SELENOH: variants seen among roughly 807,000 people sequenced by gnomAD.
SELENOH encodes selenoprotein H.
Under a neutral mutation model 11.9 loss-of-function variants are expected in SELENOH, and 13 were observed. The observed-to-expected ratio is 1.09, with a 90% confidence interval of 0.71 to 1.74. SELENOH has a LOEUF of 1.74. SELENOH is among the 40% of genes most tolerant of loss of function. SELENOH has a pLI of 0.00. For missense variants in SELENOH, 223 were observed against 170.3 expected (o/e 1.31, Z -1.72); for synonymous variants, 96 against 73.5 (o/e 1.31, Z -1.56).
Position 57,742,551 on chromosome 11 carries a change from T to C in SELENOH, c.*30+304T>C, listed in dbSNP as rs571440926. The C allele has an allele frequency of 9.0e-6, 3 of 334,538 alleles. No homozygotes were observed. The East Asian group carries it at 2.1e-4, about 23-fold the overall frequency. The allele number at this position is 334,538 out of a possible 1,614,324, so 20.7% of individuals were successfully genotyped here. A position where few individuals can be genotyped will look rare whatever the true frequency, so the allele number is the denominator to read the frequency against. The stretch of plus-strand genomic sequence containing the variant: ...TTCCATTTGGAAGTTTATTTCATGT[T>C]ACTTCATTTATGCTTATCCCTACCC... On this transcript the variant is annotated intron_variant, in intron 3 of 3. Coordinates refer to ENST00000534355, the MANE Select transcript of SELENOH (RefSeq NM_170746.4).
rs1439894026 is a variant in SELENOH at position 57,741,611 on chromosome 11, AG to A, written c.18del (p.Lys7SerfsTer11). 7.9e-7 allele frequency: 1 copy of A among 1,273,840 alleles called. No individual in the cohort carries two copies. The highest frequency in any genetic ancestry group is 3.0e-5 in the East Asian group (1 of 33,330). 78.9% of individuals were successfully genotyped at this position (1,273,840 alleles called of 1,614,324 possible). On this transcript the variant is annotated frameshift_variant, in exon 1 of 4. Coordinates refer to ENST00000534355, the MANE Select transcript of SELENOH (RefSeq NM_170746.4). LOFTEE classifies it high-confidence loss of function. MAPRG[R>X]KRKAEAAVVA... ...TCTAGGCGCCATGGCTCCCCGCGGG[AG>A]GAAGCGTAAGGCTGAGGCCGCGGTG...
At chr11:57,742,014 A>T in intron 2 of SELENOH, 60 bp downstream of exon 2, 1 of 1,581,116 alleles carries the variant, frequency 6.3e-7, no homozygotes, top group South Asian at 1.2e-5. Flanking sequence ...TGGGTTCCGA[A>T]GACAGGAAGC....
chr11:57,742,198 TGAA>T lies in SELENOH; in HGVS notation c.355_357del (p.Lys119del), dbSNP rs767623062. On this transcript the variant is annotated inframe_deletion, in exon 3 of 4. Coordinates refer to ENST00000534355, the MANE Select transcript of SELENOH (RefSeq NM_170746.4). ...GAGCCTCAAGAGGTGGTGGAAGAGT[TGAA>T]GAAGTACCTGTCGTAGGGAGATTTG... is the stretch of plus-strand genomic sequence containing the variant. 3.1e-6 allele frequency: 5 copies of T among 1,610,448 alleles called. No homozygotes were observed. Among genetic ancestry groups the T allele is most frequent in the African/African-American group, 1.3e-5 (1 of 74,958 alleles).
In SELENOH at chr11:57,743,473, T is replaced by G. The variant is rs1435162399; in HGVS notation, c.*641T>G. The G allele has an allele frequency of 6.6e-6, 1 of 152,264 alleles. No homozygotes were observed. The highest frequency in any genetic ancestry group is 1.5e-5 in the Non-Finnish European group (1 of 68,066). 9.4% of individuals were successfully genotyped at this position (152,264 alleles called of 1,614,324 possible). A position where few individuals can be genotyped will look rare whatever the true frequency, so the allele number is the denominator to read the frequency against. On this transcript the variant is annotated 3_prime_UTR_variant, in exon 4 of 4. Coordinates refer to ENST00000534355, the MANE Select transcript of SELENOH (RefSeq NM_170746.4). The stretch of plus-strand genomic sequence containing the variant: ...CACCGCACCTGGCCTGACCTGCAAC[T>G]TTTATGATCTCTGGTAAAACATGAG...
chr11:57,743,527 GTAAA>G lies in SELENOH; in HGVS notation c.*699_*702del, dbSNP rs1949134523. 1 of 152,066 alleles carries G rather than the reference GTAAA, an allele frequency of 6.6e-6. No homozygotes were observed. The highest frequency in any genetic ancestry group is 2.4e-5 in the African/African-American group (1 of 41,426). 9.4% of individuals were successfully genotyped at this position (152,066 alleles called of 1,614,324 possible). A position where few individuals can be genotyped will look rare whatever the true frequency, so the allele number is the denominator to read the frequency against. On this transcript the variant is annotated 3_prime_UTR_variant, in exon 4 of 4. Transcript: ENST00000534355. Reference sequence around the variant, plus strand: ...TACTTGTAAAAATTATGGGAGCAAAGTAAATAATTTATTTTTTAAAAAAGCAACT... The same window carrying G: ...TACTTGTAAAAATTATGGGAGCAAAGTAATTTATTTTTTAAAAAAGCAACT...
chr11:57,741,871 C>A lies in SELENOH; in HGVS notation c.185C>A (p.Ala62Asp). 6.2e-7 allele frequency: 1 copy of A among 1,600,212 alleles called. No homozygotes were observed. Among genetic ancestry groups the A allele is most frequent in the East Asian group, 2.2e-5 (1 of 44,606 alleles). Residue 62 changes from alanine to aspartate, a missense_variant, in exon 2 of 4, where the codon GCC becomes GAC. Transcript: ENST00000534355. ...CTGAGCCAGGCGCTGCGCCTGGAGG[C>A]CCCAGAGCTTCCAGTAAAGGTGAAC... ...AALSQALRLE[A>D]PELPVKVNPT...
chr11:57,742,270 C>T, intron 3 of SELENOH, 23 bp downstream of exon 3: 3 of 1,488,812 alleles, frequency 2.0e-6, no homozygotes, highest in South Asian at 2.4e-5. Flanking sequence ...AAGTGGGGGG[C>T]GCGACCGCTG....
chr11:57,741,994 G>T, intron 2 of SELENOH, 40 bp downstream of exon 2: 2 of 1,579,122 alleles, frequency 1.3e-6, no homozygotes, highest in Non-Finnish European at 1.7e-6. Flanking sequence ...GGACGTGGGT[G>T]AAAGGGACGT....
chr11:57,741,582 G>A lies in SELENOH; in HGVS notation c.-14G>A. On this transcript the variant is annotated 5_prime_UTR_variant, in exon 1 of 4. Transcript: ENST00000534355. ...CACCAGTCCCGCTGCATTCTCGGCC[G>A]GGCTCTAGGCGCCATGGCTCCCCGC... The A allele has an allele frequency of 1.6e-6, 2 of 1,260,430 alleles. No individual in the cohort carries two copies. The highest frequency in any genetic ancestry group is 1.5e-5 in the African/African-American group (1 of 64,940). 78.1% of individuals were successfully genotyped at this position (1,260,430 alleles called of 1,614,324 possible). A position where few individuals can be genotyped will look rare whatever the true frequency, so the allele number is the denominator to read the frequency against.
rs1199192573 is a variant in SELENOH at position 57,741,715 on chromosome 11, T to C, written c.120T>C (p.His40=). 1.3e-6 allele frequency: 2 copies of C among 1,570,300 alleles called. No individual in the cohort carries two copies. Among genetic ancestry groups the C allele is most frequent in the South Asian group, 1.2e-5 (1 of 85,288 alleles). Residue 40 remains histidine (H), a splice_region_variant and synonymous_variant, in exon 1 of 4, where the codon CAT becomes CAC. Transcript: ENST00000534355. The part of the protein sequence containing the change: ...GMEEATVVIE[H]CTSURVYGRN... ...AGGAGGCGACCGTTGTTATCGAGCA[T>C]TGGTGAGGGGCCTGGAGAGTAACGG...
At position 57,741,830 on chromosome 11, in the gene SELENOH, G is replaced by C; in HGVS notation, c.144G>C (p.Gly48=). The C allele has an allele frequency of 1.9e-6, 3 of 1,605,906 alleles. No homozygotes were observed. The highest frequency in any genetic ancestry group is 1.7e-4 in the Middle Eastern group (1 of 6,050). Residue 48 remains glycine, a synonymous_variant, in exon 2 of 4, where the codon GGG becomes GGC. Transcript: ENST00000534355. ...IEHCTSURVY[G]RNAAALSQAL... is the part of the protein sequence containing the mutation. ...CTAGCACTAGCTGACGCGTCTATGG[G>C]CGCAACGCCGCGGCCCTGAGCCAGG...
chr11:57,741,492 G>A lies in SELENOH; in HGVS notation c.-104G>A. 1.0e-6 allele frequency: 1 copy of A among 962,830 alleles called. No homozygotes were observed. The highest frequency in any genetic ancestry group is 1.3e-6 in the Non-Finnish European group (1 of 741,756). 59.6% of individuals were successfully genotyped at this position (962,830 alleles called of 1,614,324 possible). On this transcript the variant is annotated 5_prime_UTR_variant, in exon 1 of 4. Coordinates refer to ENST00000534355, the MANE Select transcript of SELENOH (RefSeq NM_170746.4). ...GAGAGAGGTTTCCGCTGTAGGAGCA[G>A]AGCTTCCGGGCTGCGCTCTTCGTTG...
intron 3 of SELENOH, 177 bp downstream of exon 3, chr11:57,742,424 C>T (rs1318783738): frequency 3.5e-6 from 2 of 571,258 alleles, no homozygotes; most frequent in Non-Finnish European, 6.2e-6. Context: ...AAACAAAAAA[C>T]AAAAAAAAGA....
In SELENOH at chr11:57,742,141, A is replaced by G. The variant is rs1949100810; in HGVS notation, c.293A>G (p.Lys98Arg). ...GSSAELWTGI[K>R]KGPPRKLKFP... The stretch of plus-strand genomic sequence containing the variant: ...GGTGCGGAGCTCTGGACTGGGATTA[A>G]GAAGGGGCCCCCACGCAAACTCAAA... The change falls in exon 3 of 4, where the codon AAG becomes AGG. Residue 98 changes from lysine (K) to arginine (R), a missense_variant. Physicochemically the swap from Lys to Arg is conservative, Grantham distance 26. Transcript: ENST00000534355. The G allele has an allele frequency of 1.2e-6, 2 of 1,611,948 alleles. No homozygotes were observed. The highest frequency in any genetic ancestry group is 1.7e-6 in the Non-Finnish European group (2 of 1,179,140).
At position 57,742,165 on chromosome 11, in the gene SELENOH, A is replaced by G. The variant is rs374990252; in HGVS notation, c.317A>G (p.Lys106Arg). 6.2e-6 allele frequency: 10 copies of G among 1,612,334 alleles called. No individual in the cohort carries two copies. Among genetic ancestry groups the G allele is most frequent in the Non-Finnish European group, 8.5e-6 (10 of 1,179,300 alleles). The change falls in exon 3 of 4, where the codon AAA becomes AGA. Residue 106 changes from lysine (K) to arginine (R), a missense_variant. Transcript: ENST00000534355. Reference sequence around the variant, plus strand: ...AAGAAGGGGCCCCCACGCAAACTCAAATTCCCTGAGCCTCAAGAGGTGGTG... The same window carrying G: ...AAGAAGGGGCCCCCACGCAAACTCAGATTCCCTGAGCCTCAAGAGGTGGTG... ...GIKKGPPRKL[K>R]FPEPQEVVEE...
chr11:57,741,768 G>C (rs369458858), intron 1 of SELENOH, 41 bp from the exon 2 acceptor site: 10 of 1,601,234 alleles, frequency 6.2e-6, no homozygotes, highest in East Asian at 2.2e-5. Context: ...CGCCGGGGGG[G>C]GCCAGGGGCC....
intron 3 of SELENOH, 48 bp downstream of exon 3, chr11:57,742,295 G>A: frequency 7.3e-7 from 1 of 1,369,154 alleles, no homozygotes; most frequent in South Asian, 1.3e-5. Flanking sequence ...GGAAGAGAAG[G>A]CATTGATCTT....
Position 57,741,509 on chromosome 11 carries a change from T to A in SELENOH, c.-87T>A. 9.3e-7 allele frequency: 1 copy of A among 1,072,746 alleles called. No individual in the cohort carries two copies. The highest frequency in any genetic ancestry group is 1.2e-6 in the Non-Finnish European group (1 of 839,396). The allele number at this position is 1,072,746 out of a possible 1,614,324, so 66.5% of individuals were successfully genotyped here. On this transcript the variant is annotated 5_prime_UTR_variant, in exon 1 of 4. Transcript: ENST00000534355. ...TAGGAGCAGAGCTTCCGGGCTGCGC[T>A]CTTCGTTGCCCAGTTTCCGCTCAGT...
At position 57,742,212 on chromosome 11, in the gene SELENOH, T is replaced by C; in HGVS notation, c.364T>C (p.Ser122Pro). The change falls in exon 3 of 4, where the codon TCG becomes CCG. Residue 122 changes from serine (S) to proline (P), a missense_variant. Coordinates refer to ENST00000534355, the MANE Select transcript of SELENOH (RefSeq NM_170746.4). ...EVVEELKKYL[S>P] ...GGTGGAAGAGTTGAAGAAGTACCTGTCGTAGGGAGATTTGGGTAGAAGCCC... is the reference window on the plus strand; with the variant it reads ...GGTGGAAGAGTTGAAGAAGTACCTGCCGTAGGGAGATTTGGGTAGAAGCCC... The C allele has an allele frequency of 6.2e-7, 1 of 1,607,888 alleles. No homozygotes were observed. Among genetic ancestry groups the C allele is most frequent in the Non-Finnish European group, 8.5e-7 (1 of 1,177,128 alleles).
Sources: gnomAD v4.1 joint callset for allele counts on GRCh38, gnomAD v4.1.1 for gene constraint, MANE v1.5 for transcripts, NCBI Gene and HGNC (gene_info 2026-07-23, HGNC 2026-07-21) for gene names.